The following RBM47 variants were observed in gnomAD, a reference collection of about 807,000 sequenced individuals.
RBM47 encodes RNA binding motif protein 47, also known as RNA-binding protein 47.
In RBM47, 21 loss-of-function variants were observed where a neutral mutation model predicts 47.1. That is an observed-to-expected ratio of 0.45 (90% CI 0.32 to 0.64). RBM47 has a LOEUF of 0.64. Ranked by LOEUF, RBM47 falls within the 30% of genes least tolerant of loss-of-function variation. The pLI, the probability that RBM47 is intolerant of heterozygous loss-of-function variation, is 0.05. For missense variants in RBM47, 708 were observed against 870.9 expected, an observed-to-expected ratio of 0.81 and a Z score of 2.35; for synonymous variants, 375 against 361.7, an observed-to-expected ratio of 1.04 and a Z score of -0.42.
chr4:40,542,246 G>A (rs1728620843), intron 2 of RBM47, among the ~76,000 whole-genome samples: 1 of 152,148 alleles, frequency 6.6e-6, no homozygotes, highest in African/African-American at 2.4e-5. Flanking sequence ...ATTTGACTAA[G>A]TTTTCATTTT....
rs1718077928 is a variant in RBM47, at chr4:40,466,681, G to C, written c.-136C>G. 6.8e-6 allele frequency: 1 copy of C among 147,832 alleles called. No homozygotes were observed. 9.2% of individuals were successfully genotyped at this position (147,832 alleles called of 1,614,324 possible). A position where few individuals can be genotyped will look rare whatever the true frequency, so the allele number is the denominator to read the frequency against. On this transcript the variant is annotated 5_prime_UTR_variant, in exon 3 of 7. Coordinates refer to ENST00000295971, the MANE Select transcript of RBM47 (RefSeq NM_001098634.2). ...GGGATTCCTCTGTTCAATTTTTGCA[G>C]TGCCCTTTGAGGCAAATCCTAAGGG...
At chr4:40,521,256 A>G (rs1726161855) in intron 2 of RBM47, among the ~76,000 whole-genome samples, 1 of 152,058 alleles carries the variant, frequency 6.6e-6, no homozygotes, top group South Asian at 2.1e-4. Context: ...GCTGGAGTGC[A>G]GTGGCACAAT....
chr4:40,444,230 A>T (rs1714152701), intron 3 of RBM47, among the ~76,000 whole-genome samples: 1 of 152,160 alleles, frequency 6.6e-6, no homozygotes, highest in South Asian at 2.1e-4. Context: ...GAAAAGGAAA[A>T]GATTTTCAAG....
chr4:40,599,049 G>A (rs753156953), intron 1 of RBM47, among the ~76,000 whole-genome samples: 1 of 152,000 alleles, frequency 6.6e-6, no homozygotes, highest in Admixed American at 6.6e-5. Flanking sequence ...GAGGTCAGGA[G>A]TTCAAGACCA....
intron 1 of RBM47, among the ~76,000 whole-genome samples, chr4:40,546,398 C>T (rs1246733289): frequency 6.6e-6 from 1 of 152,104 alleles, no homozygotes; most frequent in Non-Finnish European, 1.5e-5. Context: ...GATCCACCCG[C>T]CTCAGCCTCC....
chr4:40,596,638 A>T (rs962707982), intron 1 of RBM47, among the ~76,000 whole-genome samples: 27 of 152,196 alleles, frequency 1.8e-4, no homozygotes, highest in African/African-American at 6.0e-4. Context: ...ACTTTCATCT[A>T]ATGTCCCAAG....
intron 2 of RBM47, among the ~76,000 whole-genome samples, chr4:40,525,127 T>C (rs1726567803): frequency 6.6e-6 from 1 of 152,146 alleles, no homozygotes; most frequent in East Asian, 1.9e-4. Flanking sequence ...TACCGCTTGC[T>C]ATAATGAAAT....
At chr4:40,581,826 G>A (rs901682266) in intron 1 of RBM47, among the ~76,000 whole-genome samples, 3 of 151,762 alleles carry the variant, frequency 2.0e-5, no homozygotes, top group Non-Finnish European at 1.5e-5. Context: ...CACAGAGCTC[G>A]GGAGCCCAGC....
intron 1 of RBM47, among the ~76,000 whole-genome samples, chr4:40,599,372 C>G (rs925303834): frequency 7.9e-5 from 12 of 152,126 alleles, no homozygotes; most frequent in Admixed American, 7.2e-4. Context: ...CACCCCCAAC[C>G]CAGGAAAATG....
intron 2 of RBM47, among the ~76,000 whole-genome samples, chr4:40,479,461 G>T (rs3105210): frequency 2.2e-4 from 33 of 151,926 alleles, no homozygotes; most frequent in South Asian, 1.5e-3. Flanking sequence ...AAATTAGCAG[G>T]GCATGGTGAC....
chr4:40,527,295 T>C (rs1317683611), intron 2 of RBM47, among the ~76,000 whole-genome samples: 1 of 151,374 alleles, frequency 6.6e-6, no homozygotes, highest in Non-Finnish European at 1.5e-5. Flanking sequence ...GCTAATTTTT[T>C]TTTTTTTTTA....
chr4:40,486,031 C>A (rs1210070958), intron 2 of RBM47, among the ~76,000 whole-genome samples: 6 of 132,450 alleles, frequency 4.5e-5, no homozygotes, highest in Non-Finnish European at 1.5e-5. Context: ...ATTTGGACCA[C>A]TGCATTCTAG....
Position 40,449,972 on chromosome 4 carries a change from G to A in RBM47, c.-31-11048C>T, listed in dbSNP as rs968445604. 5.3e-5 allele frequency among the ~76,000 whole-genome samples: 8 copies of A among 152,056 alleles called. No homozygotes were observed. The South Asian group carries it at 6.2e-4, about 12-fold the overall frequency. On this transcript the variant is annotated intron_variant, in intron 3 of 6. Transcript: ENST00000295971. ...GCTGGTTTTATAGGTGTGAGCCACC[G>A]CACCTGGCCTTGTTCCCTTTAAATA...
intron 2 of RBM47, among the ~76,000 whole-genome samples, chr4:40,504,794 T>C (rs910837460): frequency 2.6e-5 from 4 of 152,228 alleles, no homozygotes; most frequent in African/African-American, 9.6e-5. Flanking sequence ...ACCATTTAAT[T>C]TGTCCACCTT....
At chr4:40,514,761 G>C (rs1368997162) in intron 2 of RBM47, 1 of 152,248 alleles carries the variant, frequency 6.6e-6, no homozygotes, top group Non-Finnish European at 1.5e-5. Flanking sequence ...TTCCCCTTAA[G>C]GGGGAAAGCA....
At chr4:40,588,768 C>T (rs556144439) in intron 1 of RBM47, among the ~76,000 whole-genome samples, 4 of 152,092 alleles carry the variant, frequency 2.6e-5, no homozygotes, top group African/African-American at 9.6e-5. Context: ...AATTTACTGG[C>T]CCAAGGGAGG....
At chr4:40,611,377 A>G (rs1313048746) in intron 1 of RBM47, among the ~76,000 whole-genome samples, 1 of 152,198 alleles carries the variant, frequency 6.6e-6, no homozygotes, top group Non-Finnish European at 1.5e-5. Flanking sequence ...CAGAACCTGT[A>G]TCCACTCAAT....
At chr4:40,430,795 GT>G (rs1046246740) in intron 6 of RBM47, among the ~76,000 whole-genome samples, 6 of 152,146 alleles carry the variant, frequency 3.9e-5, no homozygotes, top group African/African-American at 1.2e-4. Context: ...AAGAATCTCT[GT>G]TTTTTAAAAA....
chr4:40,618,118 C>T (rs1736909903), intron 1 of RBM47, among the ~76,000 whole-genome samples: 1 of 151,876 alleles, frequency 6.6e-6, no homozygotes, highest in South Asian at 2.1e-4. Context: ...GATGCACACC[C>T]GTAATCCCAG....
Sources: gnomAD v4.1 joint callset for allele counts (sites outside exome capture counted in the v4.1 genomes callset) on GRCh38, gnomAD v4.1.1 for gene constraint, MANE v1.5 for transcripts, NCBI Gene and HGNC (gene_info 2026-07-23, HGNC 2026-07-21) for gene names.